The following TNS3 variants were observed in gnomAD, a reference collection of about 807,000 sequenced individuals.
The protein encoded by TNS3 is tensin 3.
TNS3 carries 45 observed loss-of-function variants against 140.9 expected under a neutral mutation model. The ratio of observed to expected loss-of-function variants is 0.32; its 90% CI spans 0.25 to 0.41. The LOEUF is 0.41. Among genes scored for constraint, TNS3 ranks in the 10% least tolerant of loss-of-function variants. The pLI is 1.00. For synonymous variants in TNS3, 815 were observed against 788.4 expected (o/e 1.03, Z -0.56); for missense variants, 1,716 against 1,906.7 (o/e 0.90, Z 1.86).
chr7:47,311,738 G>T (rs2150772501), intron 20 of TNS3, among the ~76,000 whole-genome samples: 1 of 152,102 alleles, frequency 6.6e-6, no homozygotes, highest in African/African-American at 2.4e-5. Context: ...ATTGAATGAG[G>T]CAGAGGCAAT....
chr7:47,339,959 A>ATG (rs1387291243), intron 20 of TNS3, among the ~76,000 whole-genome samples: 1 of 42,664 alleles, frequency 2.3e-5, no homozygotes, highest in Non-Finnish European at 4.0e-5. Flanking sequence ...TAAGTGGCAT[A>ATG]TATATATATA....
At chr7:47,516,114 T>A (rs2151906720) in intron 2 of TNS3, among the ~76,000 whole-genome samples, 1 of 152,334 alleles carries the variant, frequency 6.6e-6, no homozygotes, top group South Asian at 2.1e-4. Context: ...CACAAAGGGA[T>A]CAAAATGCAA....
At chr7:47,304,090 G>T (rs570273684) in intron 21 of TNS3, among the ~76,000 whole-genome samples, 1 of 152,284 alleles carries the variant, frequency 6.6e-6, no homozygotes, top group African/African-American at 2.4e-5. Flanking sequence ...CCAGGCCGTT[G>T]GTTCACTGTG....
Position 47,368,722 on chromosome 7 carries a change from C to T in TNS3, c.1924G>A (p.Ala642Thr), listed in dbSNP as rs1305711431. The change falls in exon 17 of 31, where the codon GCT (alanine) becomes ACT (threonine). Residue 642 changes from alanine (A) to threonine (T), a missense_variant. Ala to Thr is a moderately conservative substitution (Grantham distance 58, BLOSUM62 0). Around this residue, in one of 3 missense-constraint regions of TNS3, gnomAD observed 1,163 missense variants for 1,182.1 expected, o/e 0.98. Coordinates refer to ENST00000311160, the MANE Select transcript of TNS3 (RefSeq NM_022748.12). Reference sequence around the variant, plus strand: ...CCACTGCCTACACCCCTCTGGACAGCCACCCTACTGCTGGTCCCTCGGGTG... The same window carrying T: ...CCACTGCCTACACCCCTCTGGACAGTCACCCTACTGCTGGTCCCTCGGGTG... ...TPTRGTSSRV[A>T]VQRGVGSGPH... 1 of 1,577,026 alleles carries T rather than the reference C, an allele frequency of 6.3e-7. No homozygotes were observed. The highest frequency in any genetic ancestry group is 8.6e-7 in the Non-Finnish European group (1 of 1,161,194).
chr7:47,516,758 C>T (rs1458902631), intron 2 of TNS3, among the ~76,000 whole-genome samples: 1 of 152,200 alleles, frequency 6.6e-6, no homozygotes, highest in Non-Finnish European at 1.5e-5. Flanking sequence ...CAAACACACA[C>T]AAATAAAAAT....
rs1489053580 is a variant in TNS3 at position 47,409,656 on chromosome 7, ATTC to A, written c.723+2068_723+2070del. 6.0e-5 allele frequency among the ~76,000 whole-genome samples: 9 copies of A among 150,132 alleles called. No homozygotes were observed. The East Asian group carries it at 1.8e-3, about 29-fold the overall frequency. On this transcript the variant is annotated intron_variant, in intron 13 of 30. Transcript: ENST00000311160. ...CATCGCCCCCAGCCTCTCTTGGCCT[ATTC>A]TTTTTTTTTTACCTCTGAGACGGAG...
chr7:47,430,256 G>A (rs1004876601), intron 8 of TNS3, among the ~76,000 whole-genome samples: 14 of 151,648 alleles, frequency 9.2e-5, no homozygotes, highest in African/African-American at 3.2e-4. Flanking sequence ...AGCCTCCCAA[G>A]TAGCTGGAAT....
At chr7:47,497,929 A>T (rs2964963) in intron 3 of TNS3, among the ~76,000 whole-genome samples, 64,178 of 151,960 alleles carry the variant, frequency 0.42, 14,578 homozygotes, top group Non-Finnish European at 0.52. Context: ...CAGGGGCCTC[A>T]TCTTCTCTGG....
intron 1 of TNS3, among the ~76,000 whole-genome samples, chr7:47,573,475 C>T (rs1234192446): frequency 1.3e-5 from 2 of 152,206 alleles, no homozygotes; most frequent in Non-Finnish European, 2.9e-5. Context: ...GGTGAAACAC[C>T]CTACCTTGTG....
At chr7:47,421,859 T>C (rs898226374) in intron 10 of TNS3, among the ~76,000 whole-genome samples, 1 of 152,222 alleles carries the variant, frequency 6.6e-6, no homozygotes, top group Non-Finnish European at 1.5e-5. Flanking sequence ...TTGAGACTTC[T>C]GAGCTTCCCA....
intron 21 of TNS3, among the ~76,000 whole-genome samples, 194 bp from the exon 22 acceptor site, chr7:47,303,778 C>T (rs1225894792): frequency 6.6e-6 from 1 of 152,224 alleles, no homozygotes; most frequent in Non-Finnish European, 1.5e-5. Flanking sequence ...CTTTCAAGCC[C>T]CCATTTCATG....
chr7:47,497,697 A>ACACACACACACACACG (rs139313048), intron 3 of TNS3, among the ~76,000 whole-genome samples: 3,029 of 148,484 alleles, frequency 0.02, 64 homozygotes, highest in East Asian at 0.039. Flanking sequence ...ACACACACAC[A>ACACACACACACACACG]GAGCAGGAAA....
intron 1 of TNS3, among the ~76,000 whole-genome samples, chr7:47,557,598 G>A (rs573271464): frequency 8.5e-5 from 13 of 152,178 alleles, no homozygotes; most frequent in East Asian, 1.9e-4. Context: ...GGAATATGAC[G>A]TGGCAACTGG....
At chr7:47,453,479 C>A (rs1446401780) in intron 4 of TNS3, among the ~76,000 whole-genome samples, 1 of 152,220 alleles carries the variant, frequency 6.6e-6, no homozygotes, top group Non-Finnish European at 1.5e-5. Flanking sequence ...TCCCTCTTTC[C>A]TTCCTCTCCC....
chr7:47,396,896 G>C lies in TNS3; in HGVS notation c.928C>G (p.His310Asp), dbSNP rs775770065. The C allele has an allele frequency of 1.4e-4, 231 of 1,613,630 alleles. No homozygotes were observed. The highest frequency in any genetic ancestry group is 1.8e-4 in the Non-Finnish European group (217 of 1,179,648). Residue 310 changes from histidine (H) to aspartate (D), a missense_variant, in exon 16 of 31, where the codon CAC becomes GAC. Physicochemically the swap from His to Asp is moderately conservative, Grantham distance 81. Around this residue, in one of 3 missense-constraint regions of TNS3, gnomAD observed 337 missense variants for 428.9 expected, o/e 0.79. Coordinates refer to ENST00000311160, the MANE Select transcript of TNS3 (RefSeq NM_022748.12). ...ATPEKIQGSE[H>D]LYNDHGVIVD... The stretch of plus-strand genomic sequence containing the variant: ...ATCACACCGTGGTCGTTGTACAAGT[G>C]TTCGGACCCTGCACAGAGCACAGGC...
In TNS3 at chr7:47,577,460, A is replaced by AGGC. The variant is rs201197668; in HGVS notation, c.-265+4590_-265+4591insGCC. 2.5e-4 allele frequency among the ~76,000 whole-genome samples: 38 copies of AGGC among 152,290 alleles called. 1 individual carries two copies. In the South Asian group the frequency reaches 7.9e-3, roughly 32 times the overall value. On this transcript the variant is annotated intron_variant, in intron 1 of 30. Coordinates refer to ENST00000311160, the MANE Select transcript of TNS3 (RefSeq NM_022748.12). ...GCACTGGCTGAGGTAGACAGCAGGC[A>AGGC]CGCCGCAGCTCCTGAGCCTTGGCCT...
intron 16 of TNS3, among the ~76,000 whole-genome samples, chr7:47,379,290 A>G (rs542346588): frequency 6.6e-5 from 10 of 152,310 alleles, no homozygotes; most frequent in African/African-American, 2.2e-4. Flanking sequence ...TATCTTACCC[A>G]TAGCATATGC....
At chr7:47,485,088 C>T (rs114949016) in intron 3 of TNS3, among the ~76,000 whole-genome samples, 308 of 152,312 alleles carry the variant, frequency 2.0e-3, no homozygotes, top group African/African-American at 7.2e-3. Context: ...AGTGCACAGC[C>T]AGCATGGCTG....
Position 47,277,966 on chromosome 7 carries a change from TG to T in TNS3, c.*109del. The T allele has an allele frequency of 8.1e-7, 1 of 1,233,438 alleles. No individual in the cohort carries two copies. The highest frequency in any genetic ancestry group is 1.2e-6 in the Non-Finnish European group (1 of 847,196). 76.4% of individuals were successfully genotyped at this position (1,233,438 alleles called of 1,614,324 possible). ...AAGATCCTCTTTCCCCTCATGGGCC[TG>T]GAATGTCAGGTTTACTAGTTTGGTA... is the stretch of plus-strand genomic sequence containing the variant. On this transcript the variant is annotated 3_prime_UTR_variant, in exon 31 of 31. Transcript: ENST00000311160.
Sources: gnomAD v4.1 joint callset for allele counts (sites outside exome capture counted in the v4.1 genomes callset) on GRCh38, gnomAD v4.1.1 for gene constraint, gnomAD v4.1.1 regional missense constraint, MANE v1.5 for transcripts, NCBI Gene and HGNC (gene_info 2026-07-23, HGNC 2026-07-21) for gene names.